Variants in LTN1 observed in about 807,000 individuals in gnomAD.
The protein encoded by LTN1 is listerin E3 ubiquitin protein ligase 1.
In LTN1, 88 loss-of-function variants were observed where a neutral mutation model predicts 201.2. That is an observed-to-expected ratio of 0.44 (90% confidence interval 0.37 to 0.52). LTN1 has a LOEUF of 0.52. LTN1 is among the 20% of genes least tolerant of loss of function. The pLI is 0.00. For missense variants in LTN1, 1,752 were observed against 2,038.7 expected (o/e 0.86, Z 2.71); for synonymous variants, 645 against 713.5 (o/e 0.90, Z 1.53).
In LTN1 at chr21:28,992,775, C is replaced by T. The variant is rs1392931880; in HGVS notation, c.31G>A (p.Gly11Arg). The change falls in exon 1 of 30, where the codon GGG becomes AGG. Residue 11 changes from glycine to arginine, a missense_variant. By Grantham distance (125) the Gly-to-Arg change is moderately radical. Coordinates refer to ENST00000361371, the MANE Select transcript of LTN1 (RefSeq NM_015565.3). ...CAGCCCCCGCTCACCCTCAGGTTCC[C>T]TTTAGTTCGCTGCTTGTTCTTCCCG... MGGKNKQRTK[G>R]NLRPSNSGRA... is the part of the protein sequence containing the mutation. The T allele has an allele frequency of 1.9e-6, 3 of 1,614,224 alleles. No individual in the cohort carries two copies. The highest frequency in any genetic ancestry group is 1.7e-6 in the Non-Finnish European group (2 of 1,180,034).
chr21:28,990,622 T>G (rs930927090), intron 1 of LTN1, among the ~76,000 whole-genome samples: 1 of 152,140 alleles, frequency 6.6e-6, no homozygotes, highest in African/African-American at 2.4e-5. Flanking sequence ...ACCAAGTAAT[T>G]AAACAAATAC....
At chr21:28,992,646 G>T in intron 1 of LTN1, 118 bp downstream of exon 1, 3 of 1,104,250 alleles carry the variant, frequency 2.7e-6, no homozygotes, top group South Asian at 1.4e-5. Flanking sequence ...GGTCACACTC[G>T]ACAGGGAAAC....
intron 18 of LTN1, among the ~76,000 whole-genome samples, chr21:28,951,654 T>C (rs767567457): frequency 1.8e-4 from 28 of 151,852 alleles, no homozygotes; most frequent in Non-Finnish European, 2.8e-4. Context: ...CAAAAGGCTA[T>C]AGAGTTAAAA....
At position 28,962,951 on chromosome 21, in the gene LTN1, C is replaced by T. The variant is rs143447843; in HGVS notation, c.2164-2245G>A. ...CCACAACATTCCCTTAATCCAAAAC[C>T]GAATCCAGAGCAAGGCCCTAATTCT... On this transcript the variant is annotated intron_variant, in intron 11 of 29. Coordinates refer to ENST00000361371, the MANE Select transcript of LTN1 (RefSeq NM_015565.3). Among the ~76,000 whole-genome samples, 20 of 152,294 alleles carry T rather than the reference C, an allele frequency of 1.3e-4. No individual in the cohort carries two copies. The East Asian group carries it at 2.5e-3, about 19-fold the overall frequency.
At chr21:28,943,641 A>AT in intron 23 of LTN1, 26 bp downstream of exon 23, 1 of 1,481,262 alleles carries the variant, frequency 6.8e-7, no homozygotes, top group Non-Finnish European at 9.4e-7. Flanking sequence ...CCACTGTAAC[A>AT]TTGATTCAAT....
intron 4 of LTN1, 27 bp downstream of exon 4, chr21:28,984,665 T>C: frequency 6.7e-7 from 1 of 1,492,662 alleles, no homozygotes; most frequent in Non-Finnish European, 9.2e-7. Context: ...AAAAAAAAAA[T>C]AGATTCAGAA....
chr21:28,951,176 C>T (rs954434717), intron 18 of LTN1, among the ~76,000 whole-genome samples: 1 of 152,212 alleles, frequency 6.6e-6, no homozygotes, highest in Non-Finnish European at 1.5e-5. Context: ...TTACTTCTTA[C>T]ACATTCATGT....
At chr21:28,973,815 T>C (rs2084594670) in intron 6 of LTN1, among the ~76,000 whole-genome samples, 2 of 152,150 alleles carry the variant, frequency 1.3e-5, no homozygotes, top group African/African-American at 2.4e-5. Flanking sequence ...GTGCATGGTA[T>C]TGGGTGTAAG....
At chr21:28,935,063 C>G (rs1446360495) in intron 27 of LTN1, 46 bp downstream of exon 27, 2 of 1,214,492 alleles carry the variant, frequency 1.6e-6, no homozygotes, top group South Asian at 2.4e-5. Context: ...ACAGACATAC[C>G]CAATATTAAA....
At chr21:28,965,735 A>G in intron 11 of LTN1, 130 bp downstream of exon 11, 1 of 572,488 alleles carries the variant, frequency 1.7e-6, no homozygotes, top group Admixed American at 3.9e-5. Context: ...AGAAAGTTAC[A>G]ATAATGAGGA....
chr21:28,966,817 T>G lies in LTN1; in HGVS notation c.1674A>C (p.Ser558=), dbSNP rs150586363. 6.2e-7 allele frequency: 1 copy of G among 1,612,448 alleles called. No individual in the cohort carries two copies. Among genetic ancestry groups the G allele is most frequent in the Non-Finnish European group, 8.5e-7 (1 of 1,179,536 alleles). Residue 558 remains serine, a synonymous_variant, in exon 10 of 30, where the codon TCA becomes TCC. Coordinates refer to ENST00000361371, the MANE Select transcript of LTN1 (RefSeq NM_015565.3). ...CCCAGCCTTCAATCTTCTCTCCTTCTGAAGATACACATTTTTCATTCTCTT... is the reference window on the plus strand; with the variant it reads ...CCCAGCCTTCAATCTTCTCTCCTTCGGAAGATACACATTTTTCATTCTCTT... ...SNKENEKCVS[S]EGEKIEGWEL... is the part of the protein sequence containing the mutation.
intron 6 of LTN1, among the ~76,000 whole-genome samples, chr21:28,974,936 C>A (rs2084603465): frequency 6.6e-6 from 1 of 152,044 alleles, no homozygotes. Flanking sequence ...TTTCCCACCA[C>A]AGGCATAATG....
chr21:28,986,820 C>T lies in LTN1; in HGVS notation c.157G>A (p.Gly53Arg). ...ACAAGACTGTCAATTTCTTCAGCTC[C>T]TTGAATAGCAGGAACATAGCCTAGG... Reference protein sequence around the residue: ...SDLGYVPAIQGAEEIDSLVDS... With the variant: ...SDLGYVPAIQRAEEIDSLVDS... The change falls in exon 2 of 30, where the codon GGA becomes AGA. Residue 53 changes from glycine to arginine, a missense_variant. Transcript: ENST00000361371. The surrounding 1 kb of genome is among the most constrained non-coding windows in gnomAD (Gnocchi z 4.1). 2 of 1,613,818 alleles carry T rather than the reference C, an allele frequency of 1.2e-6. No individual in the cohort carries two copies. Among genetic ancestry groups the T allele is most frequent in the East Asian group, 2.2e-5 (1 of 44,872 alleles).
intron 6 of LTN1, among the ~76,000 whole-genome samples, chr21:28,976,397 C>T (rs1029011380): frequency 1.3e-5 from 2 of 151,970 alleles, no homozygotes; most frequent in Admixed American, 1.3e-4. Flanking sequence ...GTCAGGAGTT[C>T]GAGACCAGCT....
chr21:28,986,495 G>A lies in LTN1; in HGVS notation c.246+236C>T, dbSNP rs2084699674. 3.0e-6 allele frequency: 2 copies of A among 660,432 alleles called. No homozygotes were observed. The highest frequency in any genetic ancestry group is 5.3e-6 in the Non-Finnish European group (2 of 373,926). The allele number at this position is 660,432 out of a possible 1,614,324, so 40.9% of individuals were successfully genotyped here. On this transcript the variant is annotated intron_variant, in intron 2 of 29. Transcript: ENST00000361371. The surrounding 1 kb of genome is among the most constrained non-coding windows in gnomAD (Gnocchi z 4.1). ...AGGTCAAAGTTACATTCCCTAATGG[G>A]AAAAACTATACAGCCAAAATTCCAA...
intron 6 of LTN1, among the ~76,000 whole-genome samples, chr21:28,974,726 A>G (rs1017931477): frequency 6.6e-6 from 1 of 152,204 alleles, no homozygotes; most frequent in Admixed American, 6.5e-5. Flanking sequence ...AGGAACCCCT[A>G]TATTCTGTAT....
intron 11 of LTN1, chr21:28,961,533 T>C (rs2084479030): frequency 6.1e-6 from 1 of 165,206 alleles, no homozygotes; most frequent in Non-Finnish European, 1.5e-5. Context: ...TTCAAAGCAA[T>C]CTGGAAGAAA....
chr21:28,972,151 T>C (rs1241549826), intron 6 of LTN1, among the ~76,000 whole-genome samples: 1 of 152,180 alleles, frequency 6.6e-6, no homozygotes, highest in Non-Finnish European at 1.5e-5. Flanking sequence ...CCATGTTTAC[T>C]CCTTCTGCCA....
intron 8 of LTN1, among the ~76,000 whole-genome samples, chr21:28,970,115 A>T (rs1215132137): frequency 6.6e-6 from 1 of 152,248 alleles, no homozygotes; most frequent in African/African-American, 2.4e-5. Flanking sequence ...CAACAAATGT[A>T]CTGAAACAGT....
Sources: gnomAD v4.1 joint callset for allele counts (sites outside exome capture counted in the v4.1 genomes callset) on GRCh38, gnomAD v4.1.1 for gene constraint, Gnocchi (gnomAD v3.1) non-coding constraint, MANE v1.5 for transcripts, NCBI Gene and HGNC (gene_info 2026-07-23, HGNC 2026-07-21) for gene names.